Variants in LMBRD1 observed in about 807,000 individuals in gnomAD.
The protein encoded by LMBRD1 is lysosomal cobalamin transport escort protein LMBD1.
A neutral mutation model predicts 74.8 loss-of-function variants in LMBRD1; 64 were observed. The observed-to-expected ratio is 0.86, with a 90% confidence interval of 0.70 to 1.05. The LOEUF is 1.05. Ranked by LOEUF, LMBRD1 falls within the 50% of genes least tolerant of loss-of-function variation. The pLI is 0.00. For synonymous variants in LMBRD1, 204 were observed against 216.3 expected, an observed-to-expected ratio of 0.94 and a Z score of 0.50; for missense variants, 652 against 645.9, an observed-to-expected ratio of 1.01 and a Z score of -0.10.
At chr6:69,746,538 C>T (rs1467434944) in intron 5 of LMBRD1, 1 of 153,206 alleles carries the variant, frequency 6.5e-6, no homozygotes, top group African/African-American at 2.4e-5. Flanking sequence ...ACTGGCATAA[C>T]TTTCCATGTT....
At chr6:69,757,983 A>C (rs1582131218) in intron 3 of LMBRD1, among the ~76,000 whole-genome samples, 2 of 152,206 alleles carry the variant, frequency 1.3e-5, no homozygotes, top group South Asian at 4.1e-4. Flanking sequence ...TTTTTAAAAC[A>C]ACTTATCGAG....
At chr6:69,713,496 AG>A in intron 9 of LMBRD1, 148 bp downstream of exon 9, 1 of 734,772 alleles carries the variant, frequency 1.4e-6, no homozygotes, top group Non-Finnish European at 2.2e-6. Context: ...AAACTACCAA[AG>A]AGAGCTGTGA....
chr6:69,677,629 T>C (rs1388482221), intron 14 of LMBRD1, among the ~76,000 whole-genome samples: 1 of 152,086 alleles, frequency 6.6e-6, no homozygotes, highest in Non-Finnish European at 1.5e-5. Context: ...CATTTTCTTA[T>C]CCCCAACACA....
intron 14 of LMBRD1, among the ~76,000 whole-genome samples, chr6:69,688,401 G>GTTT (rs142237925): frequency 2.0e-5 from 3 of 149,032 alleles, no homozygotes; most frequent in Non-Finnish European, 3.0e-5. Context: ...GAAGGGCAGA[G>GTTT]ATTTTTTTTT....
chr6:69,737,338 A>C (rs1766997947), intron 7 of LMBRD1, among the ~76,000 whole-genome samples: 1 of 152,122 alleles, frequency 6.6e-6, no homozygotes. Flanking sequence ...AGAAGTCTGT[A>C]TACAACTTGG....
intron 14 of LMBRD1, among the ~76,000 whole-genome samples, chr6:69,692,332 C>T (rs1177216632): frequency 6.6e-6 from 1 of 152,034 alleles, no homozygotes; most frequent in Non-Finnish European, 1.5e-5. Context: ...TATGCTTAAT[C>T]AGAATAAAAC....
At position 69,697,717 on chromosome 6, in the gene LMBRD1, G is replaced by C. The variant is rs1351364989; in HGVS notation, c.1339-76C>G. On this transcript the variant is annotated intron_variant, in intron 13 of 15. Transcript: ENST00000649934. Reference sequence around the variant, plus strand: ...TTTGGATTTAAAAAGTAATCACTATGAACTGTATACTCTGTATACTAACTA... The same window carrying C: ...TTTGGATTTAAAAAGTAATCACTATCAACTGTATACTCTGTATACTAACTA... 3 of 863,462 alleles carry C rather than the reference G, an allele frequency of 3.5e-6. No homozygotes were observed. The African/African-American group carries it at 5.0e-5, about 14-fold the overall frequency. 53.5% of individuals were successfully genotyped at this position (863,462 alleles called of 1,614,324 possible).
At chr6:69,741,399 T>C (rs918142750) in intron 6 of LMBRD1, among the ~76,000 whole-genome samples, 24 of 151,696 alleles carry the variant, frequency 1.6e-4, no homozygotes, top group African/African-American at 5.6e-4. Flanking sequence ...TTTTTTGAGA[T>C]GGAGTCTCGC....
intron 7 of LMBRD1, among the ~76,000 whole-genome samples, chr6:69,721,030 G>T (rs961147409): frequency 6.6e-6 from 1 of 152,206 alleles, no homozygotes; most frequent in Non-Finnish European, 1.5e-5. Flanking sequence ...TAGTGCCCAT[G>T]CATAGAAGGA....
intron 13 of LMBRD1, among the ~76,000 whole-genome samples, chr6:69,698,167 T>C (rs1414638902): frequency 6.6e-6 from 1 of 152,082 alleles, no homozygotes; most frequent in East Asian, 1.9e-4. Context: ...CAGTGCTTTA[T>C]CTGTTTCACC....
intron 7 of LMBRD1, among the ~76,000 whole-genome samples, chr6:69,719,659 T>C (rs1766572350): frequency 6.6e-6 from 1 of 152,142 alleles, no homozygotes. Context: ...CTACCCAATT[T>C]CATATTCCAG....
chr6:69,776,389 T>A (rs1765705444), intron 3 of LMBRD1, among the ~76,000 whole-genome samples: 1 of 152,218 alleles, frequency 6.6e-6, no homozygotes, highest in Non-Finnish European at 1.5e-5. Flanking sequence ...AAAACTAGCA[T>A]CTAAACTAGC....
intron 14 of LMBRD1, among the ~76,000 whole-genome samples, chr6:69,681,684 C>A (rs1765665999): frequency 6.6e-6 from 1 of 151,770 alleles, no homozygotes; most frequent in Admixed American, 6.6e-5. Context: ...TTAAAACAAG[C>A]AATTTATTTG....
rs1481974326 is a variant in LMBRD1, at chr6:69,713,711, C to G, written c.849G>C (p.Glu283Asp). Residue 283 changes from glutamate (E) to aspartate (D), a missense_variant, in exon 9 of 16, where the codon GAG becomes GAC. Coordinates refer to ENST00000649934, the MANE Select transcript of LMBRD1 (RefSeq NM_018368.4). The part of the protein sequence containing the change: ...EERLRTLKKR[E>D]RHLEFIENSW... ...TGTTTTCAATGAATTCTAAATGCCT[C>G]TCTCTCTTCTTAAGTGTTCGTAACC... The G allele has an allele frequency of 2.5e-6, 4 of 1,613,588 alleles. No homozygotes were observed. In the African/African-American group the frequency reaches 4.0e-5, roughly 16 times the overall value.
intron 3 of LMBRD1, among the ~76,000 whole-genome samples, chr6:69,778,513 A>G (rs1765753473): frequency 6.6e-6 from 1 of 152,242 alleles, no homozygotes; most frequent in African/African-American, 2.4e-5. Context: ...GATTAGTCCA[A>G]TGGCCTCTAG....
At chr6:69,707,601 CTT>C (rs974054266) in intron 9 of LMBRD1, among the ~76,000 whole-genome samples, 8 of 152,018 alleles carry the variant, frequency 5.3e-5, no homozygotes, top group African/African-American at 1.9e-4. Flanking sequence ...AGGTGTGTCT[CTT>C]TTAAATAGCA....
At chr6:69,770,188 A>G (rs1322435704) in intron 3 of LMBRD1, among the ~76,000 whole-genome samples, 1 of 152,164 alleles carries the variant, frequency 6.6e-6, no homozygotes, top group Non-Finnish European at 1.5e-5. Context: ...TCCATAAACA[A>G]TAGCACTAGA....
At chr6:69,719,114 T>A in intron 7 of LMBRD1, 33 bp from the exon 8 acceptor site, 1 of 1,597,650 alleles carries the variant, frequency 6.3e-7, no homozygotes, top group South Asian at 1.1e-5. Context: ...GTTTTAGAAA[T>A]AATGTTTCAA....
chr6:69,721,507 G>C (rs1766613966), intron 7 of LMBRD1, among the ~76,000 whole-genome samples: 1 of 152,168 alleles, frequency 6.6e-6, no homozygotes, highest in Admixed American at 6.5e-5. Flanking sequence ...CTGCCTTGAA[G>C]GGTAGTCAGG....
Sources: allele counts gnomAD v4.1 joint callset (sites outside exome capture counted in the v4.1 genomes callset), GRCh38; gene constraint gnomAD v4.1.1; transcripts MANE v1.5; gene names NCBI Gene and HGNC (gene_info 2026-07-23, HGNC 2026-07-21).